PDE1C: variants seen among roughly 807,000 people sequenced by gnomAD.
PDE1C encodes dual specificity calcium/calmodulin-dependent 3',5'-cyclic nucleotide phosphodiesterase 1C.
In PDE1C, 62 loss-of-function variants were observed where a neutral mutation model predicts 93.1. The ratio of observed to expected loss-of-function variants is 0.67; its 90% CI spans 0.54 to 0.82. The LOEUF (loss-of-function observed/expected upper bound fraction) is 0.82. PDE1C is among the 40% of genes least tolerant of loss of function. PDE1C has a pLI of 0.00. For synonymous variants in PDE1C, 325 were observed against 310.1 expected, an observed-to-expected ratio of 1.05 and a Z score of -0.50; for missense variants, 742 against 884.6, an observed-to-expected ratio of 0.84 and a Z score of 2.04.
chr7:31,673,184 A>C, the PDE1C span, among the ~76,000 whole-genome samples: 845 of 152,346 alleles, frequency 5.5e-3, 18 homozygotes, highest in Admixed American at 0.045. Context: ...GTATGCCCTA[A>C]TTGGAAACTG....
chr7:31,964,959 A>C (rs1809672608), intron 2 of PDE1C, among the ~76,000 whole-genome samples: 1 of 152,194 alleles, frequency 6.6e-6, no homozygotes, highest in Non-Finnish European at 1.5e-5. Flanking sequence ...CCATCTGTAC[A>C]TCACCATCAT....
In PDE1C at chr7:32,403,927, G is replaced by A. The variant is rs578038275; in HGVS notation, c.310+23895C>T. Among the ~76,000 whole-genome samples the A allele has an allele frequency of 1.5e-3, 232 of 152,158 alleles. 2 individuals carry two copies. Among genetic ancestry groups the A allele is most frequent in the African/African-American group, 5.3e-3 (220 of 41,504 alleles). On this transcript the variant is annotated intron_variant, in intron 1 of 1. Coordinates refer to the PDE1C transcript ENST00000672256. ...TTTATTTCAAGGACAGTGAGGTTAA[G>A]GACACAGGAAATCACAATAATAATA...
chr7:31,888,551 T>C (rs1485790175), intron 2 of PDE1C, among the ~76,000 whole-genome samples: 3 of 152,082 alleles, frequency 2.0e-5, no homozygotes, highest in Non-Finnish European at 4.4e-5. Context: ...ACAGATTCTG[T>C]GGACATTTAG....
At chr7:31,781,524 G>A (rs1231121040) in intron 16 of PDE1C, among the ~76,000 whole-genome samples, 2 of 152,046 alleles carry the variant, frequency 1.3e-5, no homozygotes, top group Non-Finnish European at 2.9e-5. Flanking sequence ...CATCTTCTTT[G>A]TGTTCCATTT....
At chr7:32,134,630 C>T (rs1279317511) in intron 3 of PDE1C, among the ~76,000 whole-genome samples, 1 of 152,078 alleles carries the variant, frequency 6.6e-6, no homozygotes, top group Non-Finnish European at 1.5e-5. Context: ...AAACTGGAAG[C>T]CATCATCCTC....
chr7:31,959,871 A>ATT (rs1042687854), intron 2 of PDE1C, among the ~76,000 whole-genome samples: 1 of 146,910 alleles, frequency 6.8e-6, no homozygotes, highest in Non-Finnish European at 1.5e-5. Flanking sequence ...CGACTTGCTA[A>ATT]TTTTTTTTTT....
intron 7 of PDE1C, among the ~76,000 whole-genome samples, chr7:31,855,449 C>T (rs1341871002): frequency 1.3e-5 from 2 of 151,974 alleles, no homozygotes; most frequent in African/African-American, 4.8e-5. Context: ...TGATTGTTAG[C>T]CTTAATTGCA....
chr7:32,395,283 G>C (rs1784821518), intron 1 of PDE1C, among the ~76,000 whole-genome samples: 1 of 152,182 alleles, frequency 6.6e-6, no homozygotes, highest in Non-Finnish European at 1.5e-5. Flanking sequence ...AACAGGTACA[G>C]GGGGAAGTGT....
intron 11 of PDE1C, among the ~76,000 whole-genome samples, chr7:31,834,976 G>A (rs915704849): frequency 2.6e-5 from 4 of 152,092 alleles, no homozygotes; most frequent in East Asian, 1.9e-4. Flanking sequence ...TCCTGGGTGC[G>A]GTTTCCCCCA....
intron 2 of PDE1C, among the ~76,000 whole-genome samples, chr7:31,998,088 T>G (rs529793257): frequency 6.6e-6 from 1 of 152,072 alleles, no homozygotes; most frequent in East Asian, 1.9e-4. Flanking sequence ...GGCGCAATCT[T>G]GGCTCACTGC....
At chr7:31,719,894 G>A in the PDE1C span, among the ~76,000 whole-genome samples, 30 of 152,128 alleles carry the variant, frequency 2.0e-4, no homozygotes, top group Non-Finnish European at 2.9e-5. Context: ...TTTGTTCAAA[G>A]GAAATCATAC....
intron 2 of PDE1C, among the ~76,000 whole-genome samples, chr7:31,980,473 C>T (rs1384135111): frequency 2.0e-5 from 3 of 152,134 alleles, no homozygotes; most frequent in Admixed American, 2.0e-4. Context: ...TCCTGGGTCA[C>T]AAGATTGCTA....
the PDE1C span, chr7:31,642,301 T>C: frequency 1.1e-5 from 14 of 1,325,036 alleles, no homozygotes; most frequent in African/African-American, 1.8e-4. Flanking sequence ...ATCCCTAACA[T>C]CCCACTTCAG....
chr7:31,684,353 A>G, the PDE1C span, among the ~76,000 whole-genome samples: 1 of 152,220 alleles, frequency 6.6e-6, no homozygotes, highest in Non-Finnish European at 1.5e-5. Flanking sequence ...TAACACAATT[A>G]AGCTTCTCCA....
intron 6 of PDE1C, among the ~76,000 whole-genome samples, chr7:31,870,005 T>C (rs1016612678): frequency 1.3e-5 from 2 of 152,052 alleles, no homozygotes; most frequent in African/African-American, 4.8e-5. Flanking sequence ...ATGTTCCTGA[T>C]TTACCATTGG....
chr7:32,417,133 G>C (rs916355688), intron 1 of PDE1C, among the ~76,000 whole-genome samples: 2 of 152,122 alleles, frequency 1.3e-5, no homozygotes, highest in Non-Finnish European at 2.9e-5. Flanking sequence ...CATTTACCAC[G>C]AGCTGAGCGG....
intron 1 of PDE1C, among the ~76,000 whole-genome samples, chr7:32,310,101 C>T (rs952574118): frequency 6.6e-6 from 1 of 151,874 alleles, no homozygotes; most frequent in Non-Finnish European, 1.5e-5. Flanking sequence ...GGTTGCAATC[C>T]TAGTCTCTGA....
intron 14 of PDE1C, among the ~76,000 whole-genome samples, chr7:31,822,268 G>A (rs1423309178): frequency 2.6e-5 from 4 of 151,942 alleles, no homozygotes; most frequent in Non-Finnish European, 2.9e-5. Context: ...CCCTCACTGG[G>A]CTCCCAGAGC....
intron 3 of PDE1C, among the ~76,000 whole-genome samples, chr7:32,114,114 AATTAG>A (rs1201746139): frequency 6.6e-6 from 1 of 152,206 alleles, no homozygotes; most frequent in Non-Finnish European, 1.5e-5. Flanking sequence ...TTCTTCACAG[AATTAG>A]ATAAAACTAC....
Sources: gnomAD v4.1 joint callset for allele counts (sites outside exome capture counted in the v4.1 genomes callset) on GRCh38, gnomAD v4.1.1 for gene constraint, MANE v1.5 for transcripts, NCBI Gene and HGNC (gene_info 2026-07-23, HGNC 2026-07-21) for gene names.